The following KHDRBS2 variants were observed in gnomAD, a reference collection of about 807,000 sequenced individuals.
KHDRBS2 encodes the protein KH domain-containing, RNA-binding, signal transduction-associated protein 2.
In KHDRBS2, 26 loss-of-function variants were observed where a neutral mutation model predicts 44.3. The ratio of observed to expected loss-of-function variants is 0.59; its 90% CI spans 0.43 to 0.81. The LOEUF (loss-of-function observed/expected upper bound fraction) is 0.81. KHDRBS2 is among the 40% of genes least tolerant of loss of function. The pLI, the probability that KHDRBS2 is intolerant of heterozygous loss-of-function variation, is 0.00. For missense variants in KHDRBS2, 476 were observed against 433.1 expected (o/e 1.10, Z -0.88); for synonymous variants, 194 against 151.1 (o/e 1.28, Z -2.08).
chr6:62,010,435 G>A (rs1780083187), intron 3 of KHDRBS2, among the ~76,000 whole-genome samples: 1 of 152,148 alleles, frequency 6.6e-6, no homozygotes, highest in Non-Finnish European at 1.5e-5. Context: ...GCTGAAAAGA[G>A]TTGAGACTTT....
chr6:62,168,692 T>C (rs116144667), intron 2 of KHDRBS2, among the ~76,000 whole-genome samples: 1 of 152,126 alleles, frequency 6.6e-6, no homozygotes, highest in Non-Finnish European at 1.5e-5. Flanking sequence ...CCCTAAGCTA[T>C]GTGTTTATTC....
chr6:61,587,972 C>G, the KHDRBS2 span, among the ~76,000 whole-genome samples: 1 of 152,152 alleles, frequency 6.6e-6, no homozygotes, highest in Non-Finnish European at 1.5e-5. Flanking sequence ...CAATGGACTT[C>G]TTCATCTTTT....
At chr6:61,931,480 C>T (rs899443965) in intron 4 of KHDRBS2, among the ~76,000 whole-genome samples, 11 of 151,684 alleles carry the variant, frequency 7.3e-5, no homozygotes, top group Non-Finnish European at 1.2e-4. Flanking sequence ...TATATATATA[C>T]ATAATCCTTA....
chr6:61,860,790 C>G (rs567229372), intron 6 of KHDRBS2, among the ~76,000 whole-genome samples: 1 of 151,998 alleles, frequency 6.6e-6, no homozygotes, highest in Non-Finnish European at 1.5e-5. Context: ...GGAGTAATTG[C>G]CACACTGTCT....
intron 2 of KHDRBS2, among the ~76,000 whole-genome samples, chr6:62,079,141 TG>T (rs1157779694): frequency 1.3e-5 from 2 of 152,036 alleles, no homozygotes; most frequent in African/African-American, 4.8e-5. Context: ...GTCTGCCCAC[TG>T]TGAATAAAGT....
chr6:61,801,844 C>A (rs1270840371), intron 6 of KHDRBS2, among the ~76,000 whole-genome samples: 1 of 152,126 alleles, frequency 6.6e-6, no homozygotes, highest in Non-Finnish European at 1.5e-5. Context: ...AAATACTAAT[C>A]TTGCTACTGC....
chr6:61,941,868 A>C (rs759155955), intron 4 of KHDRBS2, among the ~76,000 whole-genome samples: 1 of 152,218 alleles, frequency 6.6e-6, no homozygotes, highest in Non-Finnish European at 1.5e-5. Flanking sequence ...GCAAGGGAAC[A>C]TGGCACCTCC....
At chr6:62,071,693 G>T (rs1795137598) in intron 2 of KHDRBS2, among the ~76,000 whole-genome samples, 2 of 152,076 alleles carry the variant, frequency 1.3e-5, no homozygotes, top group South Asian at 2.1e-4. Flanking sequence ...CTGTTCCATT[G>T]GTCTATATCT....
At chr6:61,825,305 T>A (rs971912829) in intron 6 of KHDRBS2, among the ~76,000 whole-genome samples, 2 of 152,176 alleles carry the variant, frequency 1.3e-5, no homozygotes, top group African/African-American at 4.8e-5. Flanking sequence ...TAAAATAGTG[T>A]TTCCATAGGC....
At chr6:61,645,192 C>T in the KHDRBS2 span, among the ~76,000 whole-genome samples, 7 of 152,194 alleles carry the variant, frequency 4.6e-5, no homozygotes, top group South Asian at 1.4e-3. Context: ...GGCCACCATA[C>T]TTAGCAAACT....
chr6:62,055,211 G>C (rs762035631), intron 2 of KHDRBS2, among the ~76,000 whole-genome samples: 4 of 151,844 alleles, frequency 2.6e-5, no homozygotes, highest in African/African-American at 9.7e-5. Flanking sequence ...TACCATTAAA[G>C]CAGTAGTTTA....
intron 7 of KHDRBS2, among the ~76,000 whole-genome samples, chr6:61,727,525 T>G (rs942238388): frequency 5.9e-5 from 9 of 152,090 alleles, no homozygotes; most frequent in African/African-American, 2.2e-4. Context: ...AAGAAAAATT[T>G]TGCAACCTAT....
At chr6:61,720,384 A>G (rs2127555043) in intron 7 of KHDRBS2, among the ~76,000 whole-genome samples, 1 of 152,230 alleles carries the variant, frequency 6.6e-6, no homozygotes, top group East Asian at 1.9e-4. Context: ...ACTAGTTTAC[A>G]GTCCCACCAA....
intron 6 of KHDRBS2, among the ~76,000 whole-genome samples, chr6:61,734,525 G>T (rs1488936461): frequency 6.6e-6 from 1 of 151,668 alleles, no homozygotes; most frequent in East Asian, 1.9e-4. Context: ...ATTTTCTATT[G>T]GCTGTCCATT....
chr6:62,236,001 T>C (rs1490403922), intron 1 of KHDRBS2, among the ~76,000 whole-genome samples: 1 of 152,152 alleles, frequency 6.6e-6, no homozygotes, highest in Non-Finnish European at 1.5e-5. Flanking sequence ...TTCAATAGTC[T>C]ATTTCTGTTT....
intron 4 of KHDRBS2, among the ~76,000 whole-genome samples, chr6:61,913,294 A>G (rs116082684): frequency 0.011 from 1,730 of 152,112 alleles, 14 homozygotes; most frequent in Non-Finnish European, 0.018. Context: ...ACTACCCACA[A>G]TGCTCCTGTC....
chr6:61,620,935 C>T, the KHDRBS2 span, among the ~76,000 whole-genome samples: 2 of 152,222 alleles, frequency 1.3e-5, no homozygotes, highest in Non-Finnish European at 2.9e-5. Context: ...AATCTGAAGT[C>T]TCCTTCTCTA....
At chr6:61,917,095 T>C (rs1488328441) in intron 4 of KHDRBS2, among the ~76,000 whole-genome samples, 2 of 151,196 alleles carry the variant, frequency 1.3e-5, no homozygotes, top group African/African-American at 4.9e-5. Flanking sequence ...GTGCTCGTTA[T>C]CTATCCAAAC....
chr6:61,589,125 G>T, the KHDRBS2 span, among the ~76,000 whole-genome samples: 1 of 152,108 alleles, frequency 6.6e-6, no homozygotes, highest in East Asian at 1.9e-4. Context: ...CCTAATGCAT[G>T]CAGGACATAA....
Sources: gnomAD v4.1 joint callset for allele counts (sites outside exome capture counted in the v4.1 genomes callset) on GRCh38, gnomAD v4.1.1 for gene constraint, MANE v1.5 for transcripts, NCBI Gene and HGNC (gene_info 2026-07-23, HGNC 2026-07-21) for gene names.